CDH19: variants seen among roughly 807,000 people sequenced by gnomAD.
The protein encoded by CDH19 is cadherin 19, also known as cadherin-19.
CDH19 carries 67 observed loss-of-function variants against 64.2 expected under a neutral mutation model. The ratio of observed to expected loss-of-function variants is 1.04; its 90% CI spans 0.86 to 1.28. The LOEUF (loss-of-function observed/expected upper bound fraction) is 1.28. Ranked by LOEUF, CDH19 falls within the 50% of genes most tolerant of loss-of-function variation. CDH19 has a pLI of 0.00. For missense variants in CDH19, 1,030 were observed against 929.0 expected (o/e 1.11, Z -1.41); for synonymous variants, 346 against 319.3 (o/e 1.08, Z -0.89).
At chr18:66,524,425 C>G (rs1031437835) in intron 9 of CDH19, among the ~76,000 whole-genome samples, 2 of 151,184 alleles carry the variant, frequency 1.3e-5, no homozygotes, top group Non-Finnish European at 1.5e-5. Context: ...TTGTATACTT[C>G]AAAATTTCTG....
At chr18:66,514,877 A>T (rs764655367) in intron 9 of CDH19, among the ~76,000 whole-genome samples, 67 of 151,784 alleles carry the variant, frequency 4.4e-4, no homozygotes, top group Admixed American at 5.9e-4. Flanking sequence ...TGGACAGCTA[A>T]TTTAAGATGC....
At chr18:66,547,258 C>G (rs1987149982) in intron 5 of CDH19, among the ~76,000 whole-genome samples, 2 of 152,010 alleles carry the variant, frequency 1.3e-5, no homozygotes, top group Admixed American at 1.3e-4. Context: ...AATTTTAACT[C>G]TGAGAAAAAG....
intron 9 of CDH19, among the ~76,000 whole-genome samples, chr18:66,519,296 A>G (rs927067689): frequency 6.6e-6 from 1 of 152,200 alleles, no homozygotes; most frequent in African/African-American, 2.4e-5. Flanking sequence ...GTTAATATTA[A>G]CAAAACTACT....
chr18:66,589,173 C>A lies in CDH19; in HGVS notation c.-113+14781G>T, dbSNP rs539294926. Among the ~76,000 whole-genome samples the A allele has an allele frequency of 1.1e-4, 16 of 151,052 alleles. 2 individuals carry two copies. In the South Asian group the frequency reaches 3.1e-3, roughly 29 times the overall value. On this transcript the variant is annotated intron_variant, in intron 1 of 11. Transcript: ENST00000262150. ...AACATTGTTCAGAATAATGATCAAA[C>A]ATTATGTTAGTTAACCATGTTTATC...
rs755653539 is a variant in CDH19, at chr18:66,509,127, G to C, written c.1696C>G (p.Leu566Val). 3 of 1,613,076 alleles carry C rather than the reference G, an allele frequency of 1.9e-6. No individual in the cohort carries two copies. Among genetic ancestry groups the C allele is most frequent in the Admixed American group, 1.7e-5 (1 of 59,872 alleles). Residue 566 changes from leucine to valine, a missense_variant, in exon 11 of 12, where the codon CTT (leucine) becomes GTT (valine). Physicochemically the swap from Leu to Val is conservative, Grantham distance 32. Transcript: ENST00000262150. ...CCACAGTCACAGACATGGATGGTAA[G>C]GGTGTTTGTACTTGTAAGTGACGGG... ...GIPSLTSTNT[L>V]TIHVCDCGDS...
chr18:66,602,013 GT>G (rs1252377407), intron 1 of CDH19, among the ~76,000 whole-genome samples: 1 of 151,862 alleles, frequency 6.6e-6, no homozygotes, highest in African/African-American at 2.4e-5. Context: ...ACTTCAATCT[GT>G]TTCACCAAAG....
rs1599035249 is a variant in CDH19, at chr18:66,584,063, G to A, written c.-112-11747C>T. On this transcript the variant is annotated intron_variant, in intron 1 of 11. Transcript: ENST00000262150. ...AATAAACTATTAACAGACTAAACAGGAAAACTACAGAATGAGAGAAAATAT... is the reference window on the plus strand; with the variant it reads ...AATAAACTATTAACAGACTAAACAGAAAAACTACAGAATGAGAGAAAATAT... Among the ~76,000 whole-genome samples the A allele has an allele frequency of 2.6e-5, 4 of 152,066 alleles. No homozygotes were observed. The South Asian group carries it at 8.3e-4, about 32-fold the overall frequency.
Position 66,604,050 on chromosome 18 carries a change from C to T in CDH19, c.-209G>A, listed in dbSNP as rs1472242719. 6.6e-6 allele frequency: 1 copy of T among 151,634 alleles called. No individual in the cohort carries two copies. Among genetic ancestry groups the T allele is most frequent in the Non-Finnish European group, 1.5e-5 (1 of 68,002 alleles). 9.4% of individuals were successfully genotyped at this position (151,634 alleles called of 1,614,324 possible). On this transcript the variant is annotated 5_prime_UTR_variant, in exon 1 of 12. Coordinates refer to ENST00000262150, the MANE Select transcript of CDH19 (RefSeq NM_021153.4). ...AGTAGGAAAAACTTTCTTCTTTTTG[C>T]TTCACAGTCTTCTCAGCAAACTCTC...
intron 5 of CDH19, among the ~76,000 whole-genome samples, chr18:66,548,930 C>T (rs535939193): frequency 3.9e-5 from 6 of 152,000 alleles, no homozygotes; most frequent in Non-Finnish European, 8.8e-5. Context: ...CAGCAGAGGA[C>T]GCTGTTCACA....
chr18:66,571,080 A>ATGTG (rs148455493), intron 2 of CDH19, among the ~76,000 whole-genome samples: 5 of 150,588 alleles, frequency 3.3e-5, no homozygotes, highest in African/African-American at 1.2e-4. Flanking sequence ...ATTTCTTGTA[A>ATGTG]TGTGTGTGTG....
intron 3 of CDH19, among the ~76,000 whole-genome samples, chr18:66,567,854 A>G (rs993905942): frequency 2.0e-5 from 3 of 151,828 alleles, no homozygotes; most frequent in Non-Finnish European, 4.4e-5. Context: ...CTTATATCTT[A>G]TGGAAACCAT....
At chr18:66,518,004 T>C (rs755142496) in intron 9 of CDH19, among the ~76,000 whole-genome samples, 2 of 151,962 alleles carry the variant, frequency 1.3e-5, no homozygotes, top group East Asian at 1.9e-4. Flanking sequence ...ACTTTATATA[T>C]TGTATGAAAT....
At chr18:66,541,215 A>G (rs964081496) in intron 7 of CDH19, among the ~76,000 whole-genome samples, 1 of 152,146 alleles carries the variant, frequency 6.6e-6, no homozygotes, top group Admixed American at 6.5e-5. Flanking sequence ...CAGAAACAGC[A>G]GGTGATTCTT....
intron 3 of CDH19, among the ~76,000 whole-genome samples, chr18:66,566,343 T>C (rs1987911009): frequency 6.7e-6 from 1 of 149,424 alleles, no homozygotes; most frequent in African/African-American, 2.4e-5. Context: ...TTGCTTCAAA[T>C]AATATTATTC....
At chr18:66,591,456 C>T (rs986677992) in intron 1 of CDH19, among the ~76,000 whole-genome samples, 4 of 151,724 alleles carry the variant, frequency 2.6e-5, no homozygotes, top group Admixed American at 6.6e-5. Flanking sequence ...GAAATATTTG[C>T]TATGATCATT....
intron 3 of CDH19, among the ~76,000 whole-genome samples, chr18:66,558,836 T>A (rs1987616892): frequency 1.3e-5 from 2 of 152,058 alleles, no homozygotes. Flanking sequence ...CCTACATAAT[T>A]TTTTATAAGA....
At chr18:66,541,528 A>T (rs576628058) in intron 7 of CDH19, among the ~76,000 whole-genome samples, 2 of 152,260 alleles carry the variant, frequency 1.3e-5, no homozygotes, top group South Asian at 4.1e-4. Context: ...AAATGTGCTG[A>T]AGTGGGTATT....
At chr18:66,573,701 T>C (rs1451483605) in intron 1 of CDH19, among the ~76,000 whole-genome samples, 1 of 151,594 alleles carries the variant, frequency 6.6e-6, no homozygotes, top group Non-Finnish European at 1.5e-5. Flanking sequence ...TCAGTGAATA[T>C]AATTTTTGGG....
At position 66,508,089 on chromosome 18, in the gene CDH19, T is replaced by A. The variant is rs114955150; in HGVS notation, c.1828+906A>T. 5.0e-3 allele frequency among the ~76,000 whole-genome samples: 763 copies of A among 151,960 alleles called. 8 individuals are homozygous for A. Among genetic ancestry groups the A allele is most frequent in the African/African-American group, 0.018 (741 of 41,522 alleles). On this transcript the variant is annotated intron_variant, in intron 11 of 11. Coordinates refer to ENST00000262150, the MANE Select transcript of CDH19 (RefSeq NM_021153.4). ...TAAATAAGAAAGAAGTTCTGTCACT[T>A]GCCACAACATAGATAAAACTAGATA... is the stretch of plus-strand genomic sequence containing the variant.
Sources: gnomAD v4.1 joint callset for allele counts (sites outside exome capture counted in the v4.1 genomes callset) on GRCh38, gnomAD v4.1.1 for gene constraint, MANE v1.5 for transcripts, NCBI Gene and HGNC (gene_info 2026-07-23, HGNC 2026-07-21) for gene names.